The following RASAL2 variants were observed in gnomAD, a reference collection of about 807,000 sequenced individuals.
The protein encoded by RASAL2 is RAS protein activator like 2, also known as ras GTPase-activating protein nGAP.
RASAL2 carries 58 observed loss-of-function variants against 128.9 expected under a neutral mutation model. The observed-to-expected ratio is 0.45, with a 90% CI of 0.36 to 0.56. RASAL2 has a LOEUF of 0.56. RASAL2 is among the 20% of genes least tolerant of loss of function. The probability of loss-of-function intolerance (pLI) is 0.00; values close to 1 mark genes in which losing one functional copy is unlikely to be tolerated. For synonymous variants in RASAL2, 561 were observed against 580.8 expected (o/e 0.97, Z 0.49); for missense variants, 1,360 against 1,601.6 (o/e 0.85, Z 2.57).
At chr1:178,237,205 T>C (rs989570081) in intron 1 of RASAL2, among the ~76,000 whole-genome samples, 9 of 152,126 alleles carry the variant, frequency 5.9e-5, no homozygotes, top group Non-Finnish European at 8.8e-5. Context: ...GCTAGTAAGT[T>C]GTGGGTCCTA....
chr1:178,254,480 C>A (rs182418354), intron 1 of RASAL2, among the ~76,000 whole-genome samples: 1 of 152,168 alleles, frequency 6.6e-6, no homozygotes, highest in African/African-American at 2.4e-5. Context: ...TATTTTAAAG[C>A]CTTTGGAAAT....
chr1:178,172,935 T>C (rs1661752382), intron 1 of RASAL2, among the ~76,000 whole-genome samples: 1 of 152,152 alleles, frequency 6.6e-6, no homozygotes, highest in Non-Finnish European at 1.5e-5. Flanking sequence ...ATTGCATTCC[T>C]AGAAATTCAG....
At chr1:178,230,269 G>A (rs531452171) in intron 1 of RASAL2, among the ~76,000 whole-genome samples, 11 of 152,244 alleles carry the variant, frequency 7.2e-5, no homozygotes, top group African/African-American at 4.8e-5. Context: ...GAACATTTAG[G>A]TACAAGTATA....
chr1:178,419,993 T>C (rs1675036098), intron 4 of RASAL2, among the ~76,000 whole-genome samples: 1 of 152,232 alleles, frequency 6.6e-6, no homozygotes, highest in Non-Finnish European at 1.5e-5. Flanking sequence ...AGTTAACTCC[T>C]TTTTACATAT....
intron 12 of RASAL2, 49 bp from the exon 13 acceptor site, chr1:178,456,672 G>T: frequency 6.3e-7 from 1 of 1,596,952 alleles, no homozygotes; most frequent in African/African-American, 1.3e-5. Context: ...ATCTGTGGTG[G>T]ATGTCGCAAT....
chr1:178,275,565 G>C (rs566537772), intron 1 of RASAL2, among the ~76,000 whole-genome samples: 7 of 152,198 alleles, frequency 4.6e-5, no homozygotes, highest in Non-Finnish European at 7.3e-5. Flanking sequence ...CTATAGAGAA[G>C]TGTTACCTTT....
At chr1:178,109,483 C>A (rs1282279402) in intron 1 of RASAL2, among the ~76,000 whole-genome samples, 1 of 152,148 alleles carries the variant, frequency 6.6e-6, no homozygotes, top group Non-Finnish European at 1.5e-5. Flanking sequence ...CCTCTTGAGC[C>A]TGACTATACT....
At chr1:178,446,826 A>C (rs1677032539) in intron 9 of RASAL2, among the ~76,000 whole-genome samples, 1 of 152,212 alleles carries the variant, frequency 6.6e-6, no homozygotes, top group Admixed American at 6.5e-5. Context: ...TGTGAAATAC[A>C]TTTATGTTTT....
intron 1 of RASAL2, among the ~76,000 whole-genome samples, chr1:178,147,217 G>A (rs924292778): frequency 1.3e-5 from 2 of 151,990 alleles, no homozygotes; most frequent in Admixed American, 6.6e-5. Context: ...GGCTGGGCGC[G>A]GTAGGTCATG....
At chr1:178,241,260 GA>G (rs1380680881) in intron 1 of RASAL2, among the ~76,000 whole-genome samples, 3 of 152,068 alleles carry the variant, frequency 2.0e-5, no homozygotes, top group South Asian at 4.2e-4. Flanking sequence ...ATGAAAGAAT[GA>G]AAGAATGAAG....
intron 4 of RASAL2, among the ~76,000 whole-genome samples, 171 bp from the exon 5 acceptor site, chr1:178,420,340 C>T (rs1412537349): frequency 1.3e-5 from 2 of 152,168 alleles, no homozygotes; most frequent in Non-Finnish European, 1.5e-5. Context: ...TTTCTCATCA[C>T]ATTGCCAGGT....
chr1:178,454,544 G>A lies in RASAL2; in HGVS notation c.2107G>A (p.Asp703Asn). ...KRFLLEISNP[D>N]TISNTPGFDG... ...CTTTCTTTTGGAGATCTCTAATCCA[G>A]ACACCATCTCAAACACCCCAGGCTT... The change falls in exon 12 of 18, where the codon GAC (aspartate) becomes AAC (asparagine). Residue 703 changes from aspartate to asparagine, a missense_variant. Coordinates refer to ENST00000367649, the MANE Select transcript of RASAL2 (RefSeq NM_170692.4). 1.2e-6 allele frequency: 2 copies of A among 1,613,822 alleles called. No homozygotes were observed. Among genetic ancestry groups the A allele is most frequent in the Non-Finnish European group, 1.7e-6 (2 of 1,179,756 alleles).
chr1:178,108,140 A>T (rs1659166978), intron 1 of RASAL2, among the ~76,000 whole-genome samples: 1 of 152,166 alleles, frequency 6.6e-6, no homozygotes. Context: ...TGGTTTAACC[A>T]TCCTAGTAGG....
intron 1 of RASAL2, among the ~76,000 whole-genome samples, chr1:178,218,413 G>A (rs1350469596): frequency 6.6e-6 from 1 of 152,226 alleles, no homozygotes; most frequent in Non-Finnish European, 1.5e-5. Flanking sequence ...GCGGCCAGGT[G>A]CAGTGGCTCA....
intron 2 of RASAL2, among the ~76,000 whole-genome samples, chr1:178,285,103 CTTTTTTTTTT>C (rs58901015): frequency 1.2e-5 from 1 of 81,936 alleles, no homozygotes; most frequent in African/African-American, 6.1e-5. Flanking sequence ...TTGCTACTTT[CTTTTTTTTTT>C]TTTTTTTTTT....
intron 3 of RASAL2, among the ~76,000 whole-genome samples, chr1:178,342,026 T>C (rs976900486): frequency 3.3e-5 from 5 of 152,234 alleles, no homozygotes; most frequent in African/African-American, 1.2e-4. Flanking sequence ...CAACAAGATA[T>C]TAACAGCCTT....
At position 178,094,525 on chromosome 1, in the gene RASAL2, G is replaced by A. The variant is rs2102202488; in HGVS notation, c.33G>A (p.Ala11=). The A allele has an allele frequency of 6.4e-7, 1 of 1,572,414 alleles. No homozygotes were observed. The highest frequency in any genetic ancestry group is 8.6e-7 in the Non-Finnish European group (1 of 1,159,784). MELSPSSGGA[A]EALSWPEMFP... is the part of the protein sequence containing the mutation. The stretch of plus-strand genomic sequence containing the variant: ...TCTCTCCGTCGTCCGGAGGAGCCGC[G>A]GAGGCGCTGTCCTGGCCGGAGATGT... Residue 11 remains alanine (A), a synonymous_variant, in exon 1 of 18, where the codon GCG becomes GCA. Transcript: ENST00000367649.
intron 3 of RASAL2, chr1:178,389,242 A>G (rs1672756670): frequency 2.0e-6 from 2 of 982,196 alleles, no homozygotes; most frequent in Non-Finnish European, 2.4e-6. Context: ...ATCTAATGTT[A>G]TCTGAGAAGC....
intron 3 of RASAL2, among the ~76,000 whole-genome samples, chr1:178,306,441 A>T (rs1234529435): frequency 2.0e-5 from 3 of 152,210 alleles, no homozygotes; most frequent in East Asian, 1.9e-4. Context: ...TCAAATGGTA[A>T]TTCTAGTTCT....
Sources: gnomAD v4.1 joint callset for allele counts (sites outside exome capture counted in the v4.1 genomes callset) on GRCh38, gnomAD v4.1.1 for gene constraint, MANE v1.5 for transcripts, NCBI Gene and HGNC (gene_info 2026-07-23, HGNC 2026-07-21) for gene names.